Variants in GSG1L observed in about 807,000 individuals in gnomAD.
GSG1L encodes germ cell-specific gene 1-like protein.
Under a neutral mutation model 42.1 loss-of-function variants are expected in GSG1L, and 24 were observed. The observed-to-expected ratio is 0.57, with a 90% confidence interval of 0.41 to 0.80. The LOEUF (loss-of-function observed/expected upper bound fraction) is 0.80. Ranked by LOEUF, GSG1L falls within the 30% of genes least tolerant of loss-of-function variation. The probability of loss-of-function intolerance (pLI) is 0.00; values close to 1 mark genes in which losing one functional copy is unlikely to be tolerated. For missense variants in GSG1L, 445 were observed against 472.2 expected (o/e 0.94, Z 0.53); for synonymous variants, 215 against 203.5 (o/e 1.06, Z -0.48).
intron 6 of GSG1L, among the ~76,000 whole-genome samples, chr16:27,800,559 C>T (rs1567458829): frequency 1.3e-5 from 2 of 152,214 alleles, no homozygotes; most frequent in Non-Finnish European, 2.9e-5. Context: ...GTCTGATGTG[C>T]TCCTGAGCTG....
At chr16:27,853,883 G>A (rs542412905) in intron 3 of GSG1L, among the ~76,000 whole-genome samples, 55 of 152,218 alleles carry the variant, frequency 3.6e-4, no homozygotes, top group African/African-American at 1.3e-3. Flanking sequence ...AGGACAAACT[G>A]CTGGTGGGAC....
At chr16:28,011,658 C>T (rs1449864701) in intron 1 of GSG1L, among the ~76,000 whole-genome samples, 1 of 152,168 alleles carries the variant, frequency 6.6e-6, no homozygotes, top group Non-Finnish European at 1.5e-5. Context: ...TGTCCATCTG[C>T]CTCCTCCTTC....
intron 2 of GSG1L, among the ~76,000 whole-genome samples, chr16:27,888,440 CTTTCTTTCTTTCTTTCTT>C (rs2084061093): frequency 4.2e-5 from 1 of 23,874 alleles, no homozygotes; most frequent in Non-Finnish European, 1.3e-4. Context: ...TTCTTTCTTT[CTTTCTTTCTTTCTTTCTT>C]TCTTTCTCTC....
intron 6 of GSG1L, among the ~76,000 whole-genome samples, chr16:27,798,332 G>A (rs1345773122): frequency 6.6e-6 from 1 of 152,148 alleles, no homozygotes; most frequent in African/African-American, 2.4e-5. Flanking sequence ...AGACAGTTGA[G>A]CTAGATTTTG....
At chr16:27,900,242 C>T (rs1236039034) in intron 2 of GSG1L, among the ~76,000 whole-genome samples, 1 of 152,202 alleles carries the variant, frequency 6.6e-6, no homozygotes. Flanking sequence ...CTACAGCACC[C>T]ACGGAGGGCC....
At chr16:27,843,269 G>T (rs1227034508) in intron 4 of GSG1L, among the ~76,000 whole-genome samples, 2 of 152,106 alleles carry the variant, frequency 1.3e-5, no homozygotes, top group Non-Finnish European at 2.9e-5. Context: ...CTGTCCAAGG[G>T]TTTGGGTGAG....
intron 2 of GSG1L, among the ~76,000 whole-genome samples, chr16:27,943,014 G>A (rs760294979): frequency 9.9e-5 from 15 of 152,132 alleles, no homozygotes; most frequent in Admixed American, 1.3e-4. Flanking sequence ...CAGGAGGTCC[G>A]TAGTGGGACT....
At chr16:27,944,952 C>T (rs2084845754) in intron 2 of GSG1L, among the ~76,000 whole-genome samples, 1 of 151,366 alleles carries the variant, frequency 6.6e-6, no homozygotes, top group South Asian at 2.1e-4. Flanking sequence ...TGGCGTGTAC[C>T]TGTAGTCTCA....
chr16:28,029,640 G>A (rs2085935786), intron 1 of GSG1L, among the ~76,000 whole-genome samples: 2 of 152,084 alleles, frequency 1.3e-5, no homozygotes, highest in African/African-American at 4.8e-5. Context: ...TGGATCATGG[G>A]TAGATAGATG....
At chr16:27,817,602 A>T (rs2083110291) in intron 5 of GSG1L, among the ~76,000 whole-genome samples, 1 of 151,660 alleles carries the variant, frequency 6.6e-6, no homozygotes, top group Non-Finnish European at 1.5e-5. Flanking sequence ...GTGATCCTCC[A>T]CCCACCTCGG....
intron 1 of GSG1L, among the ~76,000 whole-genome samples, chr16:27,984,718 G>A (rs1312285055): frequency 6.6e-6 from 1 of 151,516 alleles, no homozygotes. Flanking sequence ...CCCTCTGTTT[G>A]GTGTCTTTTC....
chr16:27,834,677 T>C (rs1015168923), intron 4 of GSG1L, among the ~76,000 whole-genome samples: 14 of 152,186 alleles, frequency 9.2e-5, no homozygotes, highest in Admixed American at 8.5e-4. Flanking sequence ...AACTGATCTA[T>C]TTCATCCAGG....
chr16:27,939,085 A>C (rs1210589067), intron 2 of GSG1L, among the ~76,000 whole-genome samples: 2 of 151,950 alleles, frequency 1.3e-5, no homozygotes, highest in African/African-American at 2.4e-5. Context: ...AAGAAACTAG[A>C]GTTTGTGAGC....
chr16:27,804,589 C>T (rs1055590192), intron 6 of GSG1L, among the ~76,000 whole-genome samples: 2 of 151,242 alleles, frequency 1.3e-5, no homozygotes, highest in East Asian at 3.9e-4. Flanking sequence ...ACAGGGCTGA[C>T]GTGCAGCAGA....
chr16:28,039,676 T>C (rs7203917), intron 1 of GSG1L, among the ~76,000 whole-genome samples: 35,660 of 151,062 alleles, frequency 0.24, 4,867 homozygotes, highest in East Asian at 0.34. Context: ...CACACACGTA[T>C]GCACACATGC....
At chr16:27,799,426 TCTCAGCTA>T (rs1318445785) in intron 6 of GSG1L, among the ~76,000 whole-genome samples, 1 of 152,138 alleles carries the variant, frequency 6.6e-6, no homozygotes, top group African/African-American at 2.4e-5. Context: ...GTGCCTGCAA[TCTCAGCTA>T]CTCAGGAGGC....
intron 5 of GSG1L, among the ~76,000 whole-genome samples, chr16:27,826,293 C>A (rs1220309861): frequency 6.6e-6 from 1 of 152,122 alleles, no homozygotes; most frequent in Non-Finnish European, 1.5e-5. Flanking sequence ...ACCCCATGCG[C>A]TGCCATGCTT....
At chr16:27,946,025 C>T (rs1567529427) in intron 2 of GSG1L, among the ~76,000 whole-genome samples, 1 of 152,238 alleles carries the variant, frequency 6.6e-6, no homozygotes, top group Admixed American at 6.5e-5. Context: ...GAACACACAG[C>T]AAAGCAGACC....
intron 1 of GSG1L, among the ~76,000 whole-genome samples, chr16:27,981,405 C>T (rs113196560): frequency 6.6e-6 from 1 of 152,126 alleles, no homozygotes; most frequent in Admixed American, 6.6e-5. Flanking sequence ...CCTTTGCTGG[C>T]CAGATTCAAG....
Sources: gnomAD v4.1 joint callset for allele counts (sites outside exome capture counted in the v4.1 genomes callset) on GRCh38, gnomAD v4.1.1 for gene constraint, MANE v1.5 for transcripts, NCBI Gene and HGNC (gene_info 2026-07-23, HGNC 2026-07-21) for gene names.